Variants in TRIM24 observed in about 807,000 individuals in gnomAD.
TRIM24 encodes tripartite motif containing 24, also known as transcription intermediary factor 1-alpha.
Under a neutral mutation model 123.9 loss-of-function variants are expected in TRIM24, and 29 were observed. The observed-to-expected ratio is 0.23, with a 90% confidence interval of 0.17 to 0.32. The LOEUF (loss-of-function observed/expected upper bound fraction) is 0.32. TRIM24 is among the 10% of genes least tolerant of loss of function. TRIM24 has a pLI of 1.00. For missense variants in TRIM24, 932 were observed against 1,295.3 expected (o/e 0.72, Z 4.31); for synonymous variants, 456 against 461.1 (o/e 0.99, Z 0.14).
intron 7 of TRIM24, among the ~76,000 whole-genome samples, chr7:138,544,643 G>C (rs1797066237): frequency 6.6e-6 from 1 of 152,082 alleles, no homozygotes; most frequent in Admixed American, 6.6e-5. Context: ...GTGTACAAAG[G>C]GTTCCTTTTA....
At chr7:138,568,509 C>A (rs573197924) in intron 10 of TRIM24, among the ~76,000 whole-genome samples, 1 of 150,210 alleles carries the variant, frequency 6.7e-6, no homozygotes, top group East Asian at 2.0e-4. Flanking sequence ...GCCTCAGCCT[C>A]CAGAGTAGCT....
chr7:138,511,584 C>A (rs1283880606), intron 2 of TRIM24, among the ~76,000 whole-genome samples: 2 of 152,168 alleles, frequency 1.3e-5, no homozygotes, highest in African/African-American at 4.8e-5. Context: ...GCCACTGCGC[C>A]TGGCCATGCC....
intron 1 of TRIM24, among the ~76,000 whole-genome samples, chr7:138,476,942 G>T (rs10258403): frequency 6.6e-6 from 1 of 152,070 alleles, no homozygotes; most frequent in South Asian, 2.1e-4. Flanking sequence ...TTACTGTGCC[G>T]ATGTAAAAAA....
intron 9 of TRIM24, chr7:138,556,536 C>T (rs929822862): frequency 6.6e-6 from 1 of 152,148 alleles, no homozygotes; most frequent in Admixed American, 6.6e-5. Flanking sequence ...TTATTTGTCC[C>T]CTGTGAATGT....
rs1236397812 is a variant in TRIM24 at position 138,587,871 on chromosome 7, C to A, written c.*2920C>A. The A allele has an allele frequency of 6.6e-6, 1 of 152,188 alleles. No individual in the cohort carries two copies. Among genetic ancestry groups the A allele is most frequent in the Admixed American group, 6.5e-5 (1 of 15,278 alleles). 9.4% of individuals were successfully genotyped at this position (152,188 alleles called of 1,614,324 possible). On this transcript the variant is annotated 3_prime_UTR_variant, in exon 19 of 19. Coordinates refer to ENST00000343526, the MANE Select transcript of TRIM24 (RefSeq NM_015905.3). ...AAAGTATAAATGGATGGATGTAGAC[C>A]ATATTCAACGCAGAATACATTTTAG...
At chr7:138,584,670 C>G in intron 18 of TRIM24, 72 bp from the exon 19 acceptor site, 1 of 1,217,760 alleles carries the variant, frequency 8.2e-7, no homozygotes, top group South Asian at 1.6e-5. Context: ...TTCAAAACAG[C>G]TCATTAATAT....
chr7:138,463,683 A>G (rs1042432608), intron 1 of TRIM24, among the ~76,000 whole-genome samples: 45 of 152,300 alleles, frequency 3.0e-4, no homozygotes, highest in African/African-American at 1.1e-3. Flanking sequence ...ATCATCCTCA[A>G]TTCTGAGACA....
At chr7:138,501,936 A>G (rs17461122) in intron 1 of TRIM24, among the ~76,000 whole-genome samples, 12,985 of 152,006 alleles carry the variant, frequency 0.085, 755 homozygotes, top group Non-Finnish European at 0.13. Context: ...CATGCAGCTC[A>G]TGATTGTATT....
At chr7:138,484,295 G>A (rs1272465539) in intron 1 of TRIM24, among the ~76,000 whole-genome samples, 2 of 151,772 alleles carry the variant, frequency 1.3e-5, no homozygotes, top group African/African-American at 2.4e-5. Context: ...TTTTAGTAGA[G>A]ATGGTGTTTC....
intron 17 of TRIM24, among the ~76,000 whole-genome samples, chr7:138,583,066 G>A (rs1471223520): frequency 6.6e-6 from 1 of 152,150 alleles, no homozygotes; most frequent in Non-Finnish European, 1.5e-5. Context: ...ACAAAATGCT[G>A]TGAGTTTGGC....
intron 1 of TRIM24, chr7:138,461,213 G>A: frequency 1.5e-6 from 1 of 651,182 alleles, no homozygotes; most frequent in Non-Finnish European, 2.9e-6. Context: ...GACCTCTGTC[G>A]GAGTCTCCTG....
At position 138,573,378 on chromosome 7, in the gene TRIM24, C is replaced by A. The variant is rs1318996460; in HGVS notation, c.1879-129C>A. 11 of 869,812 alleles carry A rather than the reference C, an allele frequency of 1.3e-5. No individual in the cohort carries two copies. In the South Asian group the frequency reaches 3.2e-4, roughly 26 times the overall value. 53.9% of individuals were successfully genotyped at this position (869,812 alleles called of 1,614,324 possible). The stretch of plus-strand genomic sequence containing the variant: ...ATGGGGAAAATATCTGTTAGAACTT[C>A]TCAAATGTGGTATCTATGTTTTGTT... On this transcript the variant is annotated intron_variant, in intron 11 of 18. Transcript: ENST00000343526.
At chr7:138,524,380 T>G (rs1796567480) in intron 4 of TRIM24, among the ~76,000 whole-genome samples, 1 of 152,090 alleles carries the variant, frequency 6.6e-6, no homozygotes, top group South Asian at 2.1e-4. Context: ...AAGAAAAAGT[T>G]TACTAAGGTA....
At chr7:138,483,659 A>G (rs755310471) in intron 1 of TRIM24, among the ~76,000 whole-genome samples, 48 of 152,358 alleles carry the variant, frequency 3.2e-4, no homozygotes, top group Admixed American at 3.9e-4. Context: ...TTAGTCACAT[A>G]GACTTGTATA....
intron 9 of TRIM24, among the ~76,000 whole-genome samples, chr7:138,559,144 T>C (rs982638344): frequency 2.0e-5 from 3 of 152,196 alleles, no homozygotes; most frequent in Admixed American, 2.0e-4. Flanking sequence ...CTAACATATG[T>C]AGGGCTGGCT....
intron 9 of TRIM24, among the ~76,000 whole-genome samples, chr7:138,557,898 C>T (rs1797348001): frequency 6.6e-6 from 1 of 152,204 alleles, no homozygotes; most frequent in African/African-American, 2.4e-5. Context: ...AGTATCCATA[C>T]ATTCCATCTT....
At chr7:138,484,578 T>C (rs542679162) in intron 1 of TRIM24, among the ~76,000 whole-genome samples, 8 of 152,278 alleles carry the variant, frequency 5.3e-5, no homozygotes, top group Non-Finnish European at 1.0e-4. Flanking sequence ...TCACATGCTG[T>C]AGGATTTGGT....
rs150752924 is a variant in TRIM24, at chr7:138,576,589, T to G, written c.2087+144T>G. The G allele has an allele frequency of 5.6e-3, 3,269 of 584,206 alleles. 17 individuals are homozygous for G. The highest frequency in any genetic ancestry group is 7.6e-3 in the Non-Finnish European group (2,699 of 352,842). 36.2% of individuals were successfully genotyped at this position (584,206 alleles called of 1,614,324 possible). The stretch of plus-strand genomic sequence containing the variant: ...AAAATTTTAATAACTACTATATATT[T>G]TAATGAATTAGTTAAGGGATTAACA... On this transcript the variant is annotated intron_variant, in intron 13 of 18. Coordinates refer to ENST00000343526, the MANE Select transcript of TRIM24 (RefSeq NM_015905.3).
At chr7:138,480,030 G>T (rs965169127) in intron 1 of TRIM24, among the ~76,000 whole-genome samples, 2 of 152,056 alleles carry the variant, frequency 1.3e-5, no homozygotes, top group African/African-American at 4.8e-5. Flanking sequence ...TGTTGGCCAG[G>T]CTGGTCTCAA....
Sources: allele counts gnomAD v4.1 joint callset (sites outside exome capture counted in the v4.1 genomes callset), GRCh38; gene constraint gnomAD v4.1.1; transcripts MANE v1.5; gene names NCBI Gene and HGNC (gene_info 2026-07-23, HGNC 2026-07-21).